The following JAM2 variants were observed in gnomAD, a reference collection of about 807,000 sequenced individuals.
The protein encoded by JAM2 is junctional adhesion molecule B.
JAM2 carries 17 observed loss-of-function variants against 42.0 expected under a neutral mutation model. The observed-to-expected ratio is 0.40, with a 90% CI of 0.28 to 0.61. JAM2 has a LOEUF of 0.61. Ranked by LOEUF, JAM2 falls within the 20% of genes least tolerant of loss-of-function variation. JAM2 has a pLI of 0.37. For synonymous variants in JAM2, 118 were observed against 128.6 expected, an observed-to-expected ratio of 0.92 and a Z score of 0.56; for missense variants, 319 against 358.3, an observed-to-expected ratio of 0.89 and a Z score of 0.89.
chr21:25,709,388 A>G (rs751501649), intron 7 of JAM2, 46 bp from the exon 8 acceptor site: 1 of 1,015,708 alleles, frequency 9.8e-7, no homozygotes, highest in Non-Finnish European at 1.5e-6. Flanking sequence ...TCTGTATCAT[A>G]CCATAATAAC....
intron 1 of JAM2, among the ~76,000 whole-genome samples, chr21:25,652,108 G>T (rs1045385985): frequency 6.6e-6 from 1 of 152,198 alleles, no homozygotes; most frequent in Non-Finnish European, 1.5e-5. Context: ...TTACTGAGCT[G>T]GGCATGGTGG....
chr21:25,640,995 T>G (rs1006947898), intron 1 of JAM2, among the ~76,000 whole-genome samples: 3 of 152,184 alleles, frequency 2.0e-5, no homozygotes, highest in African/African-American at 7.2e-5. Flanking sequence ...ACAGCTCAAG[T>G]GATGTGAGCC....
At chr21:25,708,004 C>G (rs951499305) in intron 7 of JAM2, among the ~76,000 whole-genome samples, 1 of 151,844 alleles carries the variant, frequency 6.6e-6, no homozygotes, top group African/African-American at 2.4e-5. Context: ...TACCACCACA[C>G]CTGGCTAATT....
chr21:25,679,031 T>G (rs2033566313), intron 1 of JAM2, among the ~76,000 whole-genome samples: 1 of 152,228 alleles, frequency 6.6e-6, no homozygotes, highest in Non-Finnish European at 1.5e-5. Flanking sequence ...CTTAAACTCC[T>G]GGCCTCAAGT....
rs1000869828 is a variant in JAM2 at position 25,706,007 on chromosome 21, A to G, written c.726A>G (p.Ala242=). Residue 242 remains alanine (A), a synonymous_variant, in exon 7 of 10, where the codon GCA becomes GCG. Coordinates refer to ENST00000480456, the MANE Select transcript of JAM2 (RefSeq NM_021219.4). ...VDDLNISGII[A]AVVVVALVIS... The stretch of plus-strand genomic sequence containing the variant: ...ATCTCAACATAAGTGGCATCATAGC[A>G]GCCGTAGTAGTTGTGGCCTTAGTGA... 6.2e-7 allele frequency: 1 copy of G among 1,613,588 alleles called. No individual in the cohort carries two copies. Among genetic ancestry groups the G allele is most frequent in the Admixed American group, 1.7e-5 (1 of 60,028 alleles).
chr21:25,683,178 C>G (rs2033676268), intron 1 of JAM2, among the ~76,000 whole-genome samples: 1 of 151,968 alleles, frequency 6.6e-6, no homozygotes, highest in African/African-American at 2.4e-5. Flanking sequence ...CTATCTGTAT[C>G]AAAGGTGCCT....
intron 1 of JAM2, among the ~76,000 whole-genome samples, chr21:25,664,911 T>C (rs1007159962): frequency 6.6e-6 from 1 of 152,202 alleles, no homozygotes; most frequent in Non-Finnish European, 1.5e-5. Context: ...AAACACTAAA[T>C]GTCAATGGCC....
chr21:25,671,228 GTAAACT>G (rs1338939902), intron 1 of JAM2, among the ~76,000 whole-genome samples: 3 of 152,150 alleles, frequency 2.0e-5, no homozygotes, highest in Non-Finnish European at 4.4e-5. Flanking sequence ...AGAAAGCTTA[GTAAACT>G]CATTAATAAG....
intron 7 of JAM2, 72 bp from the exon 8 acceptor site, chr21:25,709,362 C>T: frequency 1.3e-6 from 1 of 788,188 alleles, no homozygotes; most frequent in Non-Finnish European, 2.0e-6. Context: ...TAAACCCAAA[C>T]TCATTTTTAT....
chr21:25,660,535 C>T (rs1272176046), intron 1 of JAM2, among the ~76,000 whole-genome samples: 2 of 151,714 alleles, frequency 1.3e-5, no homozygotes, highest in African/African-American at 2.4e-5. Context: ...TCTTAAACAG[C>T]TTGCTGTGTG....
Position 25,689,968 on chromosome 21 carries a change from T to C in JAM2, c.236T>C (p.Leu79Pro), listed in dbSNP as rs773826506. The change falls in exon 3 of 10, where the codon CTT becomes CCT. Residue 79 changes from leucine (L) to proline (P), a missense_variant. Coordinates refer to ENST00000480456, the MANE Select transcript of JAM2 (RefSeq NM_021219.4). ...SVSFVYYQQT[L>P]QGDFKNRAEM... ...TCCTTTGTCTACTATCAACAGACTCTTCAAGGTAAGCAGCTGTAGGCTTGA... is the reference window on the plus strand; with the variant it reads ...TCCTTTGTCTACTATCAACAGACTCCTCAAGGTAAGCAGCTGTAGGCTTGA... The C allele has an allele frequency of 2.7e-5, 43 of 1,596,182 alleles. No homozygotes were observed. Among genetic ancestry groups the C allele is most frequent in the Non-Finnish European group, 3.7e-5 (43 of 1,164,092 alleles).
At chr21:25,659,114 TA>T (rs1314025755) in intron 1 of JAM2, among the ~76,000 whole-genome samples, 4 of 152,226 alleles carry the variant, frequency 2.6e-5, no homozygotes, top group Non-Finnish European at 5.9e-5. Context: ...CTGAAAATAT[TA>T]TTTAACTAAA....
chr21:25,713,832 A>G (rs2034429655), intron 9 of JAM2, among the ~76,000 whole-genome samples: 1 of 152,234 alleles, frequency 6.6e-6, no homozygotes, highest in Non-Finnish European at 1.5e-5. Context: ...CCATCCCTCC[A>G]AACAGTATGA....
intron 7 of JAM2, among the ~76,000 whole-genome samples, chr21:25,707,123 G>C (rs1393175827): frequency 6.6e-6 from 1 of 152,158 alleles, no homozygotes. Context: ...ATAAATAAGT[G>C]AAATATTTCA....
intron 1 of JAM2, among the ~76,000 whole-genome samples, chr21:25,644,694 G>T (rs2032551956): frequency 6.6e-6 from 1 of 152,148 alleles, no homozygotes; most frequent in Non-Finnish European, 1.5e-5. Context: ...AGTAGGATGT[G>T]GACATCTTTG....
intron 1 of JAM2, among the ~76,000 whole-genome samples, chr21:25,642,095 G>C (rs1488675269): frequency 6.6e-6 from 1 of 152,082 alleles, no homozygotes; most frequent in Non-Finnish European, 1.5e-5. Context: ...TAGGTCACCT[G>C]TAATCATACT....
intron 9 of JAM2, 146 bp downstream of exon 9, chr21:25,712,528 A>G: frequency 1.7e-6 from 1 of 593,100 alleles, no homozygotes; most frequent in Non-Finnish European, 3.0e-6. Flanking sequence ...GGAGCTAAGT[A>G]GATGTTAGCT....
chr21:25,693,946 C>T (rs148388694), intron 4 of JAM2, 38 bp downstream of exon 4: 53 of 1,596,328 alleles, frequency 3.3e-5, no homozygotes, highest in South Asian at 1.0e-4. Flanking sequence ...GTCTCCCACT[C>T]CTTCTCCACC....
intron 1 of JAM2, among the ~76,000 whole-genome samples, chr21:25,674,665 T>C (rs2033441274): frequency 6.6e-6 from 1 of 152,018 alleles, no homozygotes; most frequent in African/African-American, 2.4e-5. Flanking sequence ...GTGGCTTCCC[T>C]TTCTCTGAAA....
Sources: gnomAD v4.1 joint callset for allele counts (sites outside exome capture counted in the v4.1 genomes callset) on GRCh38, gnomAD v4.1.1 for gene constraint, MANE v1.5 for transcripts, NCBI Gene and HGNC (gene_info 2026-07-23, HGNC 2026-07-21) for gene names.